The following CACNG8 variants were observed in gnomAD, a reference collection of about 807,000 sequenced individuals.
CACNG8 encodes voltage-dependent calcium channel gamma-8 subunit.
A neutral mutation model predicts 26.9 loss-of-function variants in CACNG8; 5 were observed. The observed-to-expected ratio is 0.19, with a 90% CI of 0.10 to 0.39. The LOEUF is 0.39. Among genes scored for constraint, CACNG8 ranks in the 10% least tolerant of loss-of-function variants. The probability of loss-of-function intolerance (pLI) is 1.00; values close to 1 mark genes in which losing one functional copy is unlikely to be tolerated. For missense variants in CACNG8, 473 were observed against 609.4 expected, an observed-to-expected ratio of 0.78 and a Z score of 2.36; for synonymous variants, 321 against 296.7, an observed-to-expected ratio of 1.08 and a Z score of -0.84.
Position 53,980,057 on chromosome 19 carries a change from CGTGTGT to C in CACNG8, c.508+74_508+79del, listed in dbSNP as rs56223082. On this transcript the variant is annotated intron_variant, in intron 3 of 3. Transcript: ENST00000270458. ...CCGGGGCGGCCCACCTGGGCGCGCACGTGTGTGTGTGTGTGTGTGTGTGTGTGTGCG... is the reference window on the plus strand; with the variant it reads ...CCGGGGCGGCCCACCTGGGCGCGCACGTGTGTGTGTGTGTGTGTGTGTGCG... 3,863 of 1,100,984 alleles carry C rather than the reference CGTGTGT, an allele frequency of 3.5e-3. 18 individuals are homozygous for C. The highest frequency in any genetic ancestry group is 0.01 in the African/African-American group (625 of 61,938). The allele number at this position is 1,100,984 out of a possible 1,614,324, so 68.2% of individuals were successfully genotyped here. A position where few individuals can be genotyped will look rare whatever the true frequency, so the allele number is the denominator to read the frequency against.
At chr19:53,966,640 G>A (rs754490843) in intron 1 of CACNG8, among the ~76,000 whole-genome samples, 14 of 151,608 alleles carry the variant, frequency 9.2e-5, no homozygotes, top group African/African-American at 1.7e-4. Flanking sequence ...GCAATCCTCC[G>A]GCCTCAGCCT....
intron 1 of CACNG8, among the ~76,000 whole-genome samples, chr19:53,972,893 G>T (rs1035747403): frequency 1.3e-5 from 2 of 152,196 alleles, no homozygotes; most frequent in South Asian, 4.1e-4. Flanking sequence ...CTCCCAAACC[G>T]AGCTGTGCTG....
intron 1 of CACNG8, among the ~76,000 whole-genome samples, chr19:53,973,954 C>T (rs1284054800): frequency 6.6e-6 from 1 of 152,142 alleles, no homozygotes; most frequent in Non-Finnish European, 1.5e-5. Context: ...CTCATTCATT[C>T]GTTCATTCAT....
chr19:53,963,800 T>C, intron 1 of CACNG8, among the ~76,000 whole-genome samples: 1 of 143,044 alleles, frequency 7.0e-6, no homozygotes, highest in East Asian at 2.2e-4. Flanking sequence ...CCTGTGCCTT[T>C]TCTCTTTTTT....
At chr19:53,976,620 CATTCATTA>C (rs1309141638) in intron 1 of CACNG8, among the ~76,000 whole-genome samples, 2 of 152,156 alleles carry the variant, frequency 1.3e-5, no homozygotes, top group African/African-American at 4.8e-5. Context: ...TGCTTATATT[CATTCATTA>C]ATTCATTCAT....
rs983351960 is a variant in CACNG8 at position 53,963,067 on chromosome 19, C to A, written c.-76C>A. 1.6e-5 allele frequency: 15 copies of A among 920,034 alleles called. No individual in the cohort carries two copies. The highest frequency in any genetic ancestry group is 1.0e-4 in the South Asian group (4 of 40,196). The allele number at this position is 920,034 out of a possible 1,614,324, so 57.0% of individuals were successfully genotyped here. A position where few individuals can be genotyped will look rare whatever the true frequency, so the allele number is the denominator to read the frequency against. ...CCGCTTCTGCCTGCGCTGTGAACCC[C>A]CCCCCAGCCGCCGGCACGGCCCCGC... On this transcript the variant is annotated 5_prime_UTR_variant, in exon 1 of 4. Coordinates refer to ENST00000270458, the MANE Select transcript of CACNG8 (RefSeq NM_031895.6).
chr19:53,969,556 G>A lies in CACNG8; in HGVS notation c.283+6131G>A, dbSNP rs571798359. 6.3e-4 allele frequency among the ~76,000 whole-genome samples: 96 copies of A among 151,882 alleles called. 1 individual carries two copies. The highest frequency in any genetic ancestry group is 2.2e-3 in the African/African-American group (93 of 41,424). On this transcript the variant is annotated intron_variant, in intron 1 of 3. Coordinates refer to ENST00000270458, the MANE Select transcript of CACNG8 (RefSeq NM_031895.6). ...ATTACAGGAGTGAGCCACCCTGCCC[G>A]GCCCAGCATCTGGATTTGAATCCAG...
In CACNG8 at chr19:53,985,851, A is replaced by G. The variant is rs1057193989; in HGVS notation, c.*3002A>G. 1 of 146,188 alleles carries G rather than the reference A, an allele frequency of 6.8e-6. No homozygotes were observed. Among genetic ancestry groups the G allele is most frequent in the Non-Finnish European group, 1.5e-5 (1 of 66,752 alleles). The allele number at this position is 146,188 out of a possible 1,614,324, so 9.1% of individuals were successfully genotyped here. A position where few individuals can be genotyped will look rare whatever the true frequency, so the allele number is the denominator to read the frequency against. ...ACTCTGTCTCAAAAAAAAAAAAAAA[A>G]TTGAGAGACAGCAAATATTTGCTGG... is the stretch of plus-strand genomic sequence containing the variant. On this transcript the variant is annotated 3_prime_UTR_variant, in exon 4 of 4. Coordinates refer to ENST00000270458, the MANE Select transcript of CACNG8 (RefSeq NM_031895.6).
intron 1 of CACNG8, among the ~76,000 whole-genome samples, chr19:53,965,666 A>C (rs2145932288): frequency 6.6e-6 from 1 of 152,220 alleles, no homozygotes; most frequent in Middle Eastern, 3.4e-3. Context: ...CAAACAGACA[A>C]AACCTCCTGT....
intron 1 of CACNG8, among the ~76,000 whole-genome samples, chr19:53,969,637 C>T (rs1043714971): frequency 1.6e-4 from 24 of 152,134 alleles, no homozygotes; most frequent in African/African-American, 5.3e-4. Flanking sequence ...TTCAGCCCAT[C>T]GGGGCTCCAG....
Position 53,986,863 on chromosome 19 carries a change from G to A in CACNG8, c.*4014G>A, listed in dbSNP as rs1171995602. On this transcript the variant is annotated 3_prime_UTR_variant, in exon 4 of 4. Transcript: ENST00000270458. Reference sequence around the variant, plus strand: ...TGGGGGCCAGGCATTCCACCCACCAGAGGCAGCCCCAAAGCCCAGAAAAGT... The same window carrying A: ...TGGGGGCCAGGCATTCCACCCACCAAAGGCAGCCCCAAAGCCCAGAAAAGT... The A allele has an allele frequency of 6.6e-6, 1 of 152,490 alleles. No individual in the cohort carries two copies. The highest frequency in any genetic ancestry group is 1.9e-4 in the East Asian group (1 of 5,198). 9.4% of individuals were successfully genotyped at this position (152,490 alleles called of 1,614,324 possible).
chr19:53,971,270 C>T (rs2069301012), intron 1 of CACNG8, among the ~76,000 whole-genome samples: 1 of 137,216 alleles, frequency 7.3e-6, no homozygotes, highest in African/African-American at 2.8e-5. Context: ...CCAGCCTGGG[C>T]AACAGATTGA....
At chr19:53,967,933 A>T (rs2069280676) in intron 1 of CACNG8, among the ~76,000 whole-genome samples, 1 of 152,110 alleles carries the variant, frequency 6.6e-6, no homozygotes. Flanking sequence ...CATAAAACCC[A>T]TTCTTAGCTG....
chr19:53,974,929 C>A (rs1019753328), intron 1 of CACNG8, among the ~76,000 whole-genome samples: 4 of 150,260 alleles, frequency 2.7e-5, no homozygotes, highest in African/African-American at 9.8e-5. Flanking sequence ...CGTGAGCTAC[C>A]GCACCCAGCC....
At chr19:53,964,936 C>G (rs2069263943) in intron 1 of CACNG8, among the ~76,000 whole-genome samples, 1 of 152,180 alleles carries the variant, frequency 6.6e-6, no homozygotes, top group Middle Eastern at 3.2e-3. Context: ...TCTTGCTTCT[C>G]TTTTTCATCC....
At chr19:53,966,476 G>A (rs1351736296) in intron 1 of CACNG8, among the ~76,000 whole-genome samples, 2 of 152,072 alleles carry the variant, frequency 1.3e-5, no homozygotes, top group African/African-American at 4.8e-5. Context: ...GCAGTGGTAA[G>A]ACCATAGCTC....
At chr19:53,963,769 G>GTTTCA (rs1379508711) in intron 1 of CACNG8, among the ~76,000 whole-genome samples, 4 of 148,474 alleles carry the variant, frequency 2.7e-5, no homozygotes, top group African/African-American at 9.9e-5. Flanking sequence ...GGCTCCTCCT[G>GTTTCA]TTTCATTTCT....
intron 2 of CACNG8, 31 bp downstream of exon 2, chr19:53,978,260 G>A (rs778712302): frequency 1.9e-6 from 3 of 1,580,510 alleles, no homozygotes; most frequent in Non-Finnish European, 2.6e-6. Flanking sequence ...GACGTGGGGA[G>A]TGGGTCAAAT....
At chr19:53,977,907 T>A (rs995018868) in intron 1 of CACNG8, among the ~76,000 whole-genome samples, 19 of 152,174 alleles carry the variant, frequency 1.2e-4, no homozygotes, top group Non-Finnish European at 2.8e-4. Flanking sequence ...GCAAGGATGT[T>A]AGACTTTGGG....
Sources: allele counts gnomAD v4.1 joint callset (sites outside exome capture counted in the v4.1 genomes callset), GRCh38; gene constraint gnomAD v4.1.1; transcripts MANE v1.5; gene names NCBI Gene and HGNC (gene_info 2026-07-23, HGNC 2026-07-21).